The following RBPJ variants were observed in gnomAD, a reference collection of about 807,000 sequenced individuals.
The protein encoded by RBPJ is recombination signal binding protein for immunoglobulin kappa J region.
In RBPJ, 9 loss-of-function variants were observed where a neutral mutation model predicts 67.8. That is an observed-to-expected ratio of 0.13 (90% CI 0.08 to 0.23). RBPJ has a LOEUF of 0.23. Among genes scored for constraint, RBPJ ranks in the 10% least tolerant of loss-of-function variants. RBPJ has a pLI of 1.00. For missense variants in RBPJ, 305 were observed against 595.6 expected, an observed-to-expected ratio of 0.51 and a Z score of 5.08; for synonymous variants, 198 against 203.3, an observed-to-expected ratio of 0.97 and a Z score of 0.22.
intron 2 of RBPJ, among the ~76,000 whole-genome samples, chr4:26,396,582 C>T (rs1458052783): frequency 6.6e-6 from 1 of 152,196 alleles, no homozygotes; most frequent in African/African-American, 2.4e-5. Flanking sequence ...TGTACAATAA[C>T]CTTTTAAAGC....
chr4:26,430,284 C>A lies in RBPJ; in HGVS notation c.1045-135C>A. On this transcript the variant is annotated intron_variant, in intron 9 of 10. Coordinates refer to ENST00000355476, the MANE Select transcript of RBPJ (RefSeq NM_015874.6). The surrounding 1 kb of genome is among the most constrained non-coding windows in gnomAD (Gnocchi z 4.1). ...GTATGTTATCTTGAAATGTTTTTAGCTAGCTTTGTAATAAAAAACATTTTA... is the reference window on the plus strand; with the variant it reads ...GTATGTTATCTTGAAATGTTTTTAGATAGCTTTGTAATAAAAAACATTTTA... 1.2e-6 allele frequency: 1 copy of A among 865,054 alleles called. No homozygotes were observed. The highest frequency in any genetic ancestry group is 1.8e-6 in the Non-Finnish European group (1 of 548,576). The allele number at this position is 865,054 out of a possible 1,614,324, so 53.6% of individuals were successfully genotyped here.
intron 1 of RBPJ, among the ~76,000 whole-genome samples, chr4:26,167,673 T>G (rs1221099482): frequency 1.5e-5 from 2 of 137,796 alleles, no homozygotes. Flanking sequence ...CAGGGACAAT[T>G]TGACTTCCTC....
chr4:26,157,093 AC>A, the RBPJ span, among the ~76,000 whole-genome samples: 37,225 of 111,302 alleles, frequency 0.33, 5,525 homozygotes, highest in East Asian at 0.58. Flanking sequence ...AAACAAACAA[AC>A]AAACAAAAAC....
At chr4:26,286,710 A>T (rs1438909721) in intron 1 of RBPJ, among the ~76,000 whole-genome samples, 1 of 151,796 alleles carries the variant, frequency 6.6e-6, no homozygotes, top group Non-Finnish European at 1.5e-5. Flanking sequence ...GTTCATGTCA[A>T]TATATATTAA....
chr4:26,121,043 G>A, the RBPJ span, among the ~76,000 whole-genome samples: 1 of 151,538 alleles, frequency 6.6e-6, no homozygotes, highest in Non-Finnish European at 1.5e-5. Context: ...AGAGGGAGAG[G>A]GAAAAACTAT....
At chr4:26,416,277 G>A (rs756171782) in intron 4 of RBPJ, among the ~76,000 whole-genome samples, 1 of 151,666 alleles carries the variant, frequency 6.6e-6, no homozygotes, top group Non-Finnish European at 1.5e-5. Context: ...TTCTTCCCCC[G>A]GGACAGGGTT....
At chr4:26,262,825 C>G (rs531133762) in intron 1 of RBPJ, among the ~76,000 whole-genome samples, 1 of 152,266 alleles carries the variant, frequency 6.6e-6, no homozygotes, top group African/African-American at 2.4e-5. Context: ...CAAAATTGCT[C>G]TTATTTTTTT....
chr4:26,323,450 A>G (rs1203645072), intron 1 of RBPJ, among the ~76,000 whole-genome samples: 1 of 152,172 alleles, frequency 6.6e-6, no homozygotes, highest in Non-Finnish European at 1.5e-5. Flanking sequence ...GTGAAATAAA[A>G]CTGCTTTTAA....
chr4:26,267,433 A>G (rs765238429), intron 1 of RBPJ, among the ~76,000 whole-genome samples: 2 of 152,172 alleles, frequency 1.3e-5, no homozygotes, highest in South Asian at 2.1e-4. Flanking sequence ...GTAGTCACAT[A>G]TAACAGTCAG....
intron 5 of RBPJ, among the ~76,000 whole-genome samples, chr4:26,422,807 C>T (rs1735279881): frequency 6.6e-6 from 1 of 152,140 alleles, no homozygotes; most frequent in African/African-American, 2.4e-5. Flanking sequence ...TTCATCTATA[C>T]CTGTACTCCA....
Position 26,244,476 on chromosome 4 carries a change from T to C in RBPJ, c.-167+80862T>C, listed in dbSNP as rs912793883. ...ATATATGTGTGTATATATGTATACA[T>C]ATGTGTGTATACATATATGTGTGTA... On this transcript the variant is annotated intron_variant, in intron 1 of 4. Transcript: ENST00000512351. 4.2e-4 allele frequency among the ~76,000 whole-genome samples: 62 copies of C among 146,144 alleles called. 3 individuals carry two copies. In the East Asian group the frequency reaches 0.012, roughly 28 times the overall value.
chr4:26,156,916 A>T, the RBPJ span, among the ~76,000 whole-genome samples: 1 of 151,156 alleles, frequency 6.6e-6, no homozygotes, highest in African/African-American at 2.4e-5. Flanking sequence ...CAAAAAAAAA[A>T]ATACATAAAT....
rs1386308386 is a variant in RBPJ, at chr4:26,433,064, A to G, written c.*2057A>G. Reference sequence around the variant, plus strand: ...TCTCTTACTGCAAGCCTTTTTAATCACCCCCAGGCTGCATTTTATTCTATA... The same window carrying G: ...TCTCTTACTGCAAGCCTTTTTAATCGCCCCCAGGCTGCATTTTATTCTATA... On this transcript the variant is annotated 3_prime_UTR_variant, in exon 11 of 11. Transcript: ENST00000355476. The G allele has an allele frequency of 6.6e-6, 1 of 151,986 alleles. No individual in the cohort carries two copies. Among genetic ancestry groups the G allele is most frequent in the Non-Finnish European group, 1.5e-5 (1 of 67,990 alleles). The allele number at this position is 151,986 out of a possible 1,614,324, so 9.4% of individuals were successfully genotyped here.
At chr4:26,429,825 A>T in intron 8 of RBPJ, 73 bp from the exon 9 acceptor site, 1 of 1,259,044 alleles carries the variant, frequency 7.9e-7, no homozygotes, top group Non-Finnish European at 1.1e-6. Flanking sequence ...TCTGAGGGTT[A>T]CTTGGTAAAA....
chr4:26,325,407 A>G (rs1260690946), intron 1 of RBPJ, among the ~76,000 whole-genome samples: 1 of 152,192 alleles, frequency 6.6e-6, no homozygotes, highest in Non-Finnish European at 1.5e-5. Context: ...AGCGTTCATT[A>G]AGAGAGGCAA....
chr4:26,217,915 G>C (rs977043470), intron 1 of RBPJ, among the ~76,000 whole-genome samples: 2 of 152,152 alleles, frequency 1.3e-5, no homozygotes, highest in East Asian at 3.8e-4. Context: ...ACATAGACGT[G>C]TTCAGTAAAC....
At chr4:26,389,227 TA>T (rs796764761) in intron 2 of RBPJ, among the ~76,000 whole-genome samples, 9 of 146,898 alleles carry the variant, frequency 6.1e-5, no homozygotes, top group Admixed American at 1.4e-4. Flanking sequence ...AGACCCCATC[TA>T]AAAAAAAAAT....
At chr4:26,111,411 T>C in the RBPJ span, among the ~76,000 whole-genome samples, 1 of 152,232 alleles carries the variant, frequency 6.6e-6, no homozygotes, top group Non-Finnish European at 1.5e-5. Context: ...CCCAACAGCT[T>C]CTTACTCTTC....
At chr4:26,370,818 C>T (rs898450844) in intron 1 of RBPJ, among the ~76,000 whole-genome samples, 2 of 152,118 alleles carry the variant, frequency 1.3e-5, no homozygotes, top group Non-Finnish European at 2.9e-5. Context: ...CACTGGCTCA[C>T]GCCTGTAATC....
Sources: allele counts gnomAD v4.1 joint callset (sites outside exome capture counted in the v4.1 genomes callset), GRCh38; gene constraint gnomAD v4.1.1; non-coding constraint Gnocchi (gnomAD v3.1); transcripts MANE v1.5; gene names NCBI Gene and HGNC (gene_info 2026-07-23, HGNC 2026-07-21).